Variants in CPLX2 observed in about 807,000 individuals in gnomAD.
CPLX2 encodes complexin-2.
In CPLX2, 5 loss-of-function variants were observed where a neutral mutation model predicts 16.3. That is an observed-to-expected ratio of 0.31 (90% CI 0.16 to 0.64). The LOEUF (loss-of-function observed/expected upper bound fraction) is 0.64. Ranked by LOEUF, CPLX2 falls within the 30% of genes least tolerant of loss-of-function variation. CPLX2 has a pLI of 0.79. For synonymous variants in CPLX2, 89 were observed against 73.2 expected, an observed-to-expected ratio of 1.22 and a Z score of -1.10; for missense variants, 144 against 181.4, an observed-to-expected ratio of 0.79 and a Z score of 1.18.
Position 175,830,988 on chromosome 5 carries a change from C to T in CPLX2, c.-89+21920C>T, listed in dbSNP as rs186675093. 3.0e-4 allele frequency among the ~76,000 whole-genome samples: 46 copies of T among 152,270 alleles called. No individual in the cohort carries two copies. The South Asian group carries it at 5.6e-3, about 19-fold the overall frequency. ...GCGATTGTGAGCATGGCTGGGGGTGCGCGTGTGTGCTCATGGCAGCTGAGT... is the reference window on the plus strand; with the variant it reads ...GCGATTGTGAGCATGGCTGGGGGTGTGCGTGTGTGCTCATGGCAGCTGAGT... On this transcript the variant is annotated intron_variant, in intron 2 of 4. Coordinates refer to the CPLX2 transcript ENST00000359546. This position sits in a 1 kb window ranked among gnomAD's most constrained non-coding sequence, Gnocchi z 4.0.
chr5:175,838,102 T>C (rs1201884549), intron 2 of CPLX2, among the ~76,000 whole-genome samples: 1 of 152,178 alleles, frequency 6.6e-6, no homozygotes, highest in Admixed American at 6.5e-5. Flanking sequence ...CAGAGATGTG[T>C]TCCCCAAGAA....
chr5:175,797,480 G>T (rs1185574632), intron 1 of CPLX2, among the ~76,000 whole-genome samples: 1 of 152,170 alleles, frequency 6.6e-6, no homozygotes, highest in African/African-American at 2.4e-5. Context: ...AGGAAGGAGT[G>T]CGCCGCCCCG....
chr5:175,822,216 A>G (rs891516728), intron 2 of CPLX2, among the ~76,000 whole-genome samples: 2 of 152,102 alleles, frequency 1.3e-5, no homozygotes, highest in African/African-American at 2.4e-5. Context: ...TTCACAGACC[A>G]TAAGACGTAC....
intron 2 of CPLX2, among the ~76,000 whole-genome samples, chr5:175,865,285 G>C (rs983421708): frequency 6.6e-6 from 1 of 152,152 alleles, no homozygotes; most frequent in East Asian, 1.9e-4. Context: ...CAACAAGCAA[G>C]ATCTGTTTTG....
chr5:175,818,616 C>G lies in CPLX2; in HGVS notation c.-89+9548C>G, dbSNP rs1758450268. On this transcript the variant is annotated intron_variant, in intron 2 of 4. Coordinates refer to the CPLX2 transcript ENST00000359546. ...GCTCCCTTTGCTCCCCTTTCCAGTC[C>G]CCACCTCCCTGCAAAAGGAGCTGCT... Among the ~76,000 whole-genome samples the G allele has an allele frequency of 1.3e-5, 2 of 151,498 alleles. 1 individual carries two copies. The highest frequency in any genetic ancestry group is 4.2e-4 in the South Asian group (2 of 4,770).
At chr5:175,854,498 G>A (rs1759215344) in intron 2 of CPLX2, among the ~76,000 whole-genome samples, 1 of 152,192 alleles carries the variant, frequency 6.6e-6, no homozygotes, top group African/African-American at 2.4e-5. Context: ...GCTACATGCA[G>A]TACAATTGAT....
At chr5:175,801,055 G>C (rs984754167) in intron 1 of CPLX2, among the ~76,000 whole-genome samples, 1 of 151,838 alleles carries the variant, frequency 6.6e-6, no homozygotes. Flanking sequence ...GGGCAGGGAG[G>C]GGGCAGAGAG....
intron 2 of CPLX2, among the ~76,000 whole-genome samples, chr5:175,832,720 C>A (rs552131674): frequency 1.6e-4 from 24 of 152,134 alleles, no homozygotes; most frequent in African/African-American, 5.8e-4. Context: ...CAAGACTGGG[C>A]CCCTATGTGC....
intron 1 of CPLX2, chr5:175,878,443 G>A (rs770572195): frequency 3.8e-6 from 2 of 521,072 alleles, no homozygotes; most frequent in Non-Finnish European, 6.8e-6. Flanking sequence ...GGACCAAACC[G>A]CTTTCAAAAA....
chr5:175,878,435 A>T (rs1755464192), intron 1 of CPLX2: 1 of 518,920 alleles, frequency 1.9e-6, no homozygotes, highest in African/African-American at 1.9e-5. Flanking sequence ...TAAAATAGGG[A>T]CCAAACCGCT....
rs1258800475 is a variant in CPLX2, at chr5:175,809,103, G to C, written c.-89+35G>C. On this transcript the variant is annotated intron_variant, in intron 2 of 4. Coordinates refer to the CPLX2 transcript ENST00000359546. The surrounding 1 kb of genome is among the most constrained non-coding windows in gnomAD (Gnocchi z 4.4). Reference sequence around the variant, plus strand: ...CTGCTCAGCACTAAAGCCCTGGATAGTGTTCAGGGCATCCCCTCATCCCTG... The same window carrying C: ...CTGCTCAGCACTAAAGCCCTGGATACTGTTCAGGGCATCCCCTCATCCCTG... The C allele has an allele frequency of 6.6e-6, 1 of 152,312 alleles. No homozygotes were observed. The highest frequency in any genetic ancestry group is 1.5e-5 in the Non-Finnish European group (1 of 68,106). The allele number at this position is 152,312 out of a possible 1,614,324, so 9.4% of individuals were successfully genotyped here.
chr5:175,811,226 C>T (rs1758306369), intron 2 of CPLX2, among the ~76,000 whole-genome samples: 1 of 152,214 alleles, frequency 6.6e-6, no homozygotes, highest in Admixed American at 6.5e-5. Context: ...ACTCTGCATT[C>T]TGAGTTAACA....
upstream of CPLX2, among the ~76,000 whole-genome samples, chr5:175,870,125 TA>T (rs1759558691): frequency 6.6e-6 from 1 of 152,076 alleles, no homozygotes; most frequent in African/African-American, 2.4e-5. Context: ...GTATCTGCCC[TA>T]GGAAAGGGAA....
intron 1 of CPLX2, among the ~76,000 whole-genome samples, chr5:175,801,042 C>T (rs991828953): frequency 6.6e-6 from 1 of 151,690 alleles, no homozygotes; most frequent in African/African-American, 2.4e-5. Flanking sequence ...CAGCAGCCGC[C>T]AGGGGCAGGG....
intron 2 of CPLX2, among the ~76,000 whole-genome samples, chr5:175,852,497 T>C (rs890536709): frequency 2.0e-5 from 3 of 152,100 alleles, no homozygotes; most frequent in South Asian, 4.1e-4. Flanking sequence ...ACAGCTAGAG[T>C]TCTTGCTTTC....
At position 175,880,382 on chromosome 5, in the gene CPLX2, C is replaced by A; in HGVS notation, c.*337C>A. ...CCACTGCCAGGAGGACCACTGTCCC[C>A]AGCCAGCCAAAGTAATGACACATTC... is the stretch of plus-strand genomic sequence containing the variant. On this transcript the variant is annotated 3_prime_UTR_variant, in exon 4 of 4. Coordinates refer to ENST00000393745, the MANE Select transcript of CPLX2 (RefSeq NM_001008220.2). 1 of 393,574 alleles carries A rather than the reference C, an allele frequency of 2.5e-6. No individual in the cohort carries two copies. Among genetic ancestry groups the A allele is most frequent in the Non-Finnish European group, 4.9e-6 (1 of 205,304 alleles). The allele number at this position is 393,574 out of a possible 1,614,324, so 24.4% of individuals were successfully genotyped here. A position where few individuals can be genotyped will look rare whatever the true frequency, so the allele number is the denominator to read the frequency against.
At chr5:175,868,660 C>T (rs1405934836), upstream of CPLX2, among the ~76,000 whole-genome samples, 1 of 151,442 alleles carries the variant, frequency 6.6e-6, no homozygotes, top group Non-Finnish European at 1.5e-5. Context: ...ACCCACATGA[C>T]ATGAGGACCC....
chr5:175,858,024 T>G (rs1341451296), intron 2 of CPLX2, among the ~76,000 whole-genome samples: 1 of 152,232 alleles, frequency 6.6e-6, no homozygotes, highest in Non-Finnish European at 1.5e-5. Flanking sequence ...GCAAGGAAAG[T>G]GTCAACATCC....
chr5:175,840,209 T>C (rs1758921500), intron 2 of CPLX2, among the ~76,000 whole-genome samples: 1 of 152,190 alleles, frequency 6.6e-6, no homozygotes, highest in Non-Finnish European at 1.5e-5. Context: ...ATATGTTTTT[T>C]TTTCAAAGAC....
Sources: gnomAD v4.1 joint callset for allele counts (sites outside exome capture counted in the v4.1 genomes callset) on GRCh38, gnomAD v4.1.1 for gene constraint, Gnocchi (gnomAD v3.1) non-coding constraint, MANE v1.5 for transcripts, NCBI Gene and HGNC (gene_info 2026-07-23, HGNC 2026-07-21) for gene names.